EXOSC10: variants seen among roughly 807,000 people sequenced by gnomAD.
EXOSC10 encodes the protein exosome complex component 10.
In EXOSC10, 94 loss-of-function variants were observed where a neutral mutation model predicts 126.6. The ratio of observed to expected loss-of-function variants is 0.74; its 90% confidence interval spans 0.63 to 0.88. The LOEUF (loss-of-function observed/expected upper bound fraction) is 0.88. Among genes scored for constraint, EXOSC10 ranks in the 40% least tolerant of loss-of-function variants. The pLI, the probability that EXOSC10 is intolerant of heterozygous loss-of-function variation, is 0.00. For synonymous variants in EXOSC10, 395 were observed against 400.8 expected (o/e 0.99, Z 0.17); for missense variants, 1,041 against 1,100.5 (o/e 0.95, Z 0.77).
chr1:11,088,011 A>C (rs1241912988), intron 7 of EXOSC10, 101 bp from the exon 8 acceptor site: 11 of 1,241,602 alleles, frequency 8.9e-6, no homozygotes, highest in Non-Finnish European at 1.3e-5. Flanking sequence ...CAAAACTGTA[A>C]CTTTCTCCCT....
intron 14 of EXOSC10, among the ~76,000 whole-genome samples, chr1:11,079,455 G>A (rs1461932842): frequency 3.5e-5 from 5 of 143,494 alleles, no homozygotes; most frequent in Non-Finnish European, 6.0e-5. Flanking sequence ...GTGCAGTGGC[G>A]CGATCTCGGC....
rs145244646 is a variant in EXOSC10 at position 11,091,078 on chromosome 1, A to G, written c.579T>C (p.Asn193=). ...PQLKFREKID[N]SNTPFLPKIF... ...TTTTAGGAAGAAATGGTGTGTTGGAATTGTCAATCTTCTCTCGAAACTTGA... is the reference window on the plus strand; with the variant it reads ...TTTTAGGAAGAAATGGTGTGTTGGAGTTGTCAATCTTCTCTCGAAACTTGA... The change falls in exon 5 of 25, where the codon AAT becomes AAC. Residue 193 remains asparagine, a synonymous_variant. Coordinates refer to ENST00000376936, the MANE Select transcript of EXOSC10 (RefSeq NM_001001998.3). 2.5e-5 allele frequency: 40 copies of G among 1,614,212 alleles called. No individual in the cohort carries two copies. The highest frequency in any genetic ancestry group is 3.4e-5 in the Non-Finnish European group (40 of 1,180,032).
At chr1:11,072,232 T>G in intron 19 of EXOSC10, 61 bp from the exon 20 acceptor site, 1 of 1,293,408 alleles carries the variant, frequency 7.7e-7, no homozygotes, top group Non-Finnish European at 1.1e-6. Flanking sequence ...AAGTCTGTCT[T>G]ACTTTTCATG....
At chr1:11,083,024 C>T (rs942518264) in intron 9 of EXOSC10, 146 bp from the exon 10 acceptor site, 3 of 671,658 alleles carry the variant, frequency 4.5e-6, no homozygotes, top group Admixed American at 5.5e-5. Flanking sequence ...GATCTTGGCT[C>T]ACTGCAACTT....
intron 13 of EXOSC10, 55 bp downstream of exon 13, chr1:11,080,444 A>T (rs1640078424): frequency 1.2e-6 from 2 of 1,601,874 alleles, no homozygotes; most frequent in Non-Finnish European, 1.7e-6. Context: ...TTGATTTTGA[A>T]GAACATCAGA....
intron 10 of EXOSC10, 67 bp downstream of exon 10, chr1:11,082,621 G>A: frequency 1.3e-6 from 2 of 1,589,742 alleles, no homozygotes; most frequent in Non-Finnish European, 1.7e-6. Flanking sequence ...AGGTCTCTCT[G>A]GACGACAGGT....
chr1:11,088,612 T>A (rs926916198), intron 6 of EXOSC10, among the ~76,000 whole-genome samples: 2 of 152,234 alleles, frequency 1.3e-5, no homozygotes, highest in African/African-American at 4.8e-5. Context: ...TTTCTGATCC[T>A]AAGAAATCTG....
intron 9 of EXOSC10, among the ~76,000 whole-genome samples, chr1:11,084,639 T>C (rs1051321228): frequency 7.2e-5 from 11 of 152,232 alleles, no homozygotes; most frequent in African/African-American, 1.4e-4. Flanking sequence ...TTAGATCCCA[T>C]TGGTCAATTC....
chr1:11,071,115 C>T, intron 20 of EXOSC10, 142 bp from the exon 21 acceptor site: 1 of 674,784 alleles, frequency 1.5e-6, no homozygotes, highest in Non-Finnish European at 2.5e-6. Context: ...GGTCCCCCAT[C>T]TCTGCAGGAC....
intron 3 of EXOSC10, among the ~76,000 whole-genome samples, chr1:11,094,947 C>G (rs963728742): frequency 6.6e-6 from 1 of 152,002 alleles, no homozygotes; most frequent in Non-Finnish European, 1.5e-5. Context: ...TGAGGTGGCT[C>G]ACGCCTGTAA....
At position 11,094,016 on chromosome 1, in the gene EXOSC10, G is replaced by C. The variant is rs139236715; in HGVS notation, c.372+1742C>G. ...GATCGCTTGAGCCCAGGAGTTCAAG[G>C]TTGCAGTGAGTTATGGTTGCACCAC... is the stretch of plus-strand genomic sequence containing the variant. On this transcript the variant is annotated intron_variant, in intron 3 of 24. Transcript: ENST00000376936. 1.8e-3 allele frequency among the ~76,000 whole-genome samples: 269 copies of C among 152,230 alleles called. 1 individual carries two copies. The highest frequency in any genetic ancestry group is 6.3e-3 in the African/African-American group (260 of 41,546).
At chr1:11,068,732 C>G (rs564480813) in intron 22 of EXOSC10, 26 bp from the exon 23 acceptor site, 1 of 1,597,978 alleles carries the variant, frequency 6.3e-7, no homozygotes, top group Admixed American at 1.7e-5. Flanking sequence ...TGAGAGAGAC[C>G]TGCGGTCAGG....
chr1:11,085,881 C>T (rs370251553), intron 9 of EXOSC10, among the ~76,000 whole-genome samples: 3 of 152,130 alleles, frequency 2.0e-5, no homozygotes, highest in Admixed American at 6.6e-5. Context: ...GAGATAATCA[C>T]GTGGTTTTTG....
rs1300940593 is a variant in EXOSC10, at chr1:11,068,688, A to C, written c.2507T>G (p.Val836Gly). Reference sequence around the variant, plus strand: ...TTTATTTGGATCAAACTGAGAAGAAACTTTGGATTTGCTGTTTCCTGAAAG... The same window carrying C: ...TTTATTTGGATCAAACTGAGAAGAACCTTTGGATTTGCTGTTTCCTGAAAG... The part of the protein sequence containing the change: ...KAFAGNSKSK[V>G]SSQFDPNKQT... The change falls in exon 23 of 25, where the codon GTT (valine) becomes GGT (glycine). Residue 836 changes from valine to glycine, a missense_variant. Val to Gly is a moderately radical substitution (Grantham distance 109). Transcript: ENST00000376936. The C allele has an allele frequency of 6.2e-7, 1 of 1,614,154 alleles. No homozygotes were observed. The highest frequency in any genetic ancestry group is 1.1e-5 in the South Asian group (1 of 91,088).
chr1:11,077,997 G>T (rs1639913641), intron 14 of EXOSC10, among the ~76,000 whole-genome samples: 1 of 152,162 alleles, frequency 6.6e-6, no homozygotes, highest in Non-Finnish European at 1.5e-5. Context: ...ATGTGGGGCT[G>T]GCAGGTGGCT....
intron 3 of EXOSC10, among the ~76,000 whole-genome samples, chr1:11,092,804 C>A (rs1219780177): frequency 2.0e-5 from 3 of 152,212 alleles, no homozygotes; most frequent in Admixed American, 2.0e-4. Flanking sequence ...CAGGCATGAG[C>A]TACTGTGCCC....
intron 13 of EXOSC10, among the ~76,000 whole-genome samples, chr1:11,080,163 T>G (rs1224432034): frequency 6.6e-6 from 1 of 152,144 alleles, no homozygotes; most frequent in Non-Finnish European, 1.5e-5. Context: ...TCACAAAACG[T>G]TTAAGATCAT....
chr1:11,071,854 C>G, intron 20 of EXOSC10: 1 of 436,630 alleles, frequency 2.3e-6, no homozygotes, highest in East Asian at 3.9e-5. Context: ...ATTAGACTGC[C>G]TTCTCCAACC....
At chr1:11,099,536 C>T (rs1293443927) in intron 1 of EXOSC10, 185 bp downstream of exon 1, 1 of 561,516 alleles carries the variant, frequency 1.8e-6, no homozygotes, top group African/African-American at 2.0e-5. Flanking sequence ...GGACGCCCCT[C>T]AGTGTCCGTT....
Sources: gnomAD v4.1 joint callset for allele counts (sites outside exome capture counted in the v4.1 genomes callset) on GRCh38, gnomAD v4.1.1 for gene constraint, MANE v1.5 for transcripts, NCBI Gene and HGNC (gene_info 2026-07-23, HGNC 2026-07-21) for gene names.